The following TEK variants were observed in gnomAD, a reference collection of about 807,000 sequenced individuals.
TEK encodes angiopoietin-1 receptor.
A neutral mutation model predicts 131.8 loss-of-function variants in TEK; 43 were observed. The observed-to-expected ratio is 0.33, with a 90% CI of 0.26 to 0.42. The LOEUF (loss-of-function observed/expected upper bound fraction) is 0.42, where lower values mean the gene tolerates loss of function less well. Among genes scored for constraint, TEK ranks in the 10% least tolerant of loss-of-function variants. TEK has a pLI of 1.00. For missense variants in TEK, 1,162 were observed against 1,384.4 expected (o/e 0.84, Z 2.55); for synonymous variants, 580 against 491.6 (o/e 1.18, Z -2.38).
chr9:27,116,183 G>C (rs1346399893), intron 1 of TEK, among the ~76,000 whole-genome samples: 1 of 152,190 alleles, frequency 6.6e-6, no homozygotes, highest in Non-Finnish European at 1.5e-5. Context: ...CATTGCTCCA[G>C]CATTCTGATT....
chr9:27,127,448 C>T (rs544407238), intron 1 of TEK, among the ~76,000 whole-genome samples: 2 of 152,296 alleles, frequency 1.3e-5, no homozygotes, highest in South Asian at 4.1e-4. Flanking sequence ...GTGCATGAGT[C>T]TTTATAGTAG....
rs1206788677 is a variant in TEK at position 27,228,317 on chromosome 9, A to C, written c.3300+12A>C. 1 of 1,602,282 alleles carries C rather than the reference A, an allele frequency of 6.2e-7. No individual in the cohort carries two copies. ...TAGAGGAGCGAAAGGTAAGTATTAA[A>C]GTCAGGCAGGAGATCTTTAATTGGA... On this transcript the variant is annotated intron_variant, in intron 22 of 22. Coordinates refer to ENST00000380036, the MANE Select transcript of TEK (RefSeq NM_000459.5).
chr9:27,149,402 A>G (rs1212200763), intron 1 of TEK, among the ~76,000 whole-genome samples: 1 of 152,214 alleles, frequency 6.6e-6, no homozygotes, highest in East Asian at 1.9e-4. Context: ...TGAGAATTCA[A>G]GTGGACAATG....
chr9:27,169,285 C>G (rs1823859328), intron 3 of TEK, among the ~76,000 whole-genome samples, 192 bp from the exon 4 acceptor site: 1 of 152,220 alleles, frequency 6.6e-6, no homozygotes, highest in African/African-American at 2.4e-5. Context: ...CCTATCTGTT[C>G]TATCACTATG....
intron 6 of TEK, among the ~76,000 whole-genome samples, chr9:27,175,121 A>G (rs36135817): frequency 0.13 from 16,713 of 133,246 alleles, 1,268 homozygotes; most frequent in Admixed American, 0.21. Context: ...ATATCTCCTA[A>G]TGCTATCCCT....
At chr9:27,186,912 C>T (rs1824620407) in intron 9 of TEK, among the ~76,000 whole-genome samples, 1 of 152,152 alleles carries the variant, frequency 6.6e-6, no homozygotes, top group Non-Finnish European at 1.5e-5. Flanking sequence ...CCATATGAAC[C>T]ACCTCAGAAT....
At chr9:27,150,432 C>A (rs1243750443) in intron 1 of TEK, among the ~76,000 whole-genome samples, 2 of 152,096 alleles carry the variant, frequency 1.3e-5, no homozygotes, top group Non-Finnish European at 2.9e-5. Flanking sequence ...CACAGTGATA[C>A]CCCCATCTCT....
intron 21 of TEK, among the ~76,000 whole-genome samples, chr9:27,225,562 T>G (rs1826287875): frequency 6.6e-6 from 1 of 152,200 alleles, no homozygotes; most frequent in Non-Finnish European, 1.5e-5. Context: ...ATTGGACCCC[T>G]TCCTTACACC....
intron 1 of TEK, among the ~76,000 whole-genome samples, chr9:27,137,961 T>G (rs35469430): frequency 1.3e-5 from 2 of 151,950 alleles, no homozygotes; most frequent in African/African-American, 4.8e-5. Context: ...TGTCTGGAGT[T>G]TCTTCCTTCC....
At chr9:27,181,520 C>G (rs1188753051) in intron 7 of TEK, among the ~76,000 whole-genome samples, 2 of 152,180 alleles carry the variant, frequency 1.3e-5, no homozygotes, top group Non-Finnish European at 2.9e-5. Context: ...TTGTGACTAG[C>G]TTCATTTGCC....
chr9:27,205,629 C>T (rs566971300), intron 14 of TEK, among the ~76,000 whole-genome samples: 35 of 152,024 alleles, frequency 2.3e-4, no homozygotes, highest in African/African-American at 8.4e-4. Context: ...GGTACTGCCT[C>T]ATTTTTTTTT....
At chr9:27,185,702 A>G in intron 9 of TEK, 73 bp downstream of exon 9, 1 of 1,584,718 alleles carries the variant, frequency 6.3e-7, no homozygotes, top group South Asian at 1.1e-5. Flanking sequence ...TTCTAGACAG[A>G]AATGTATGCG....
At chr9:27,146,323 CTA>C (rs1420663506) in intron 1 of TEK, among the ~76,000 whole-genome samples, 1 of 152,172 alleles carries the variant, frequency 6.6e-6, no homozygotes, top group African/African-American at 2.4e-5. Context: ...GTATACAACT[CTA>C]TGAGTTTTAA....
intron 6 of TEK, among the ~76,000 whole-genome samples, chr9:27,175,324 T>G (rs1309379041): frequency 6.6e-6 from 1 of 150,832 alleles, no homozygotes; most frequent in Non-Finnish European, 1.5e-5. Context: ...AACTCATCAT[T>G]TTTTATGGCT....
At position 27,218,786 on chromosome 9, in the gene TEK, T is replaced by TGGTGTGTTAC; in HGVS notation, c.3073_3082dup (p.Leu1028ArgfsTer9). 6.2e-7 allele frequency: 1 copy of TGGTGTGTTAC among 1,614,032 alleles called. No homozygotes were observed. Among genetic ancestry groups the TGGTGTGTTAC allele is most frequent in the Non-Finnish European group, 8.5e-7 (1 of 1,179,938 alleles). ...CTTGTCCCTCCTGCAGATGGTCCTA[T>TGGTGTGTTAC]GGTGTGTTACTATGGGAGATTGTTA... On this transcript the variant is annotated frameshift_variant, in exon 20 of 23. Transcript: ENST00000380036. LOFTEE classifies it high-confidence loss of function.
intron 1 of TEK, among the ~76,000 whole-genome samples, chr9:27,148,508 C>T (rs1199413821): frequency 3.3e-5 from 5 of 152,232 alleles, no homozygotes; most frequent in Non-Finnish European, 7.3e-5. Context: ...GGCGTCTCCT[C>T]ATGATGGCCT....
rs760891229 is a variant in TEK, at chr9:27,109,555, C to A, written c.-36C>A. ...GAAAGGATCCTTGGGACCTCATGCA[C>A]ATTTGTGGAAACTGGATGGAGAGAT... On this transcript the variant is annotated 5_prime_UTR_variant, in exon 1 of 23. Coordinates refer to ENST00000380036, the MANE Select transcript of TEK (RefSeq NM_000459.5). 6.2e-7 allele frequency: 1 copy of A among 1,612,826 alleles called. No homozygotes were observed. The highest frequency in any genetic ancestry group is 8.5e-7 in the Non-Finnish European group (1 of 1,178,832).
At chr9:27,111,443 A>T (rs7390795) in intron 1 of TEK, among the ~76,000 whole-genome samples, 143,233 of 152,194 alleles carry the variant, frequency 0.94, 67,946 homozygotes, top group East Asian at 1. Context: ...TGGTAGACTA[A>T]AGCAGTGGAG....
At position 27,228,287 on chromosome 9, in the gene TEK, A is replaced by C; in HGVS notation, c.3282A>C (p.Arg1094Ser). 1 of 1,612,592 alleles carries C rather than the reference A, an allele frequency of 6.2e-7. No homozygotes were observed. Among genetic ancestry groups the C allele is most frequent in the African/African-American group, 1.3e-5 (1 of 74,990 alleles). ...SFAQILVSLN[R>S]MLEERKTYVN... ...CCCAGATATTGGTGTCCTTAAACAGAATGTTAGAGGAGCGAAAGGTAAGTA... is the reference window on the plus strand; with the variant it reads ...CCCAGATATTGGTGTCCTTAAACAGCATGTTAGAGGAGCGAAAGGTAAGTA... Residue 1094 changes from arginine (R) to serine (S), a missense_variant, in exon 22 of 23, where the codon AGA (arginine) becomes AGC (serine). Transcript: ENST00000380036.
Sources: gnomAD v4.1 joint callset for allele counts (sites outside exome capture counted in the v4.1 genomes callset) on GRCh38, gnomAD v4.1.1 for gene constraint, MANE v1.5 for transcripts, NCBI Gene and HGNC (gene_info 2026-07-23, HGNC 2026-07-21) for gene names.